The following ARK2N variants were observed in gnomAD, a reference collection of about 807,000 sequenced individuals.
ARK2N encodes protein ARK2N.
At chr18:46,215,719 A>G in the ARK2N span, 3 of 608,830 alleles carry the variant, frequency 4.9e-6, no homozygotes, top group Non-Finnish European at 8.7e-6. Context: ...GTGTAATAGT[A>G]AGTTTTGCCC....
the ARK2N span, among the ~76,000 whole-genome samples, chr18:46,178,527 T>C: frequency 4.6e-5 from 7 of 152,204 alleles, no homozygotes; most frequent in African/African-American, 1.4e-4. Context: ...GCCAGGCTGG[T>C]CTCGAACTCC....
At chr18:46,174,850 C>A in the ARK2N span, among the ~76,000 whole-genome samples, 12 of 152,174 alleles carry the variant, frequency 7.9e-5, no homozygotes, top group Admixed American at 4.6e-4. Flanking sequence ...GCGGAGAGCT[C>A]CGGCGCCGCG....
At chr18:46,248,726 A>C in the ARK2N span, among the ~76,000 whole-genome samples, 1 of 152,322 alleles carries the variant, frequency 6.6e-6, no homozygotes, top group East Asian at 1.9e-4. Flanking sequence ...CAGGGACTAC[A>C]GGCATGTGCC....
At chr18:46,183,707 T>G in the ARK2N span, among the ~76,000 whole-genome samples, 26 of 152,284 alleles carry the variant, frequency 1.7e-4, no homozygotes, top group African/African-American at 6.3e-4. Context: ...GTTTTTTATT[T>G]TAGTCCTAAT....
chr18:46,252,593 A>C, the ARK2N span, among the ~76,000 whole-genome samples: 1 of 152,066 alleles, frequency 6.6e-6, no homozygotes, highest in Non-Finnish European at 1.5e-5. Flanking sequence ...GGTTTAGTTT[A>C]GATTAGGTGT....
At chr18:46,248,323 T>C in the ARK2N span, among the ~76,000 whole-genome samples, 1 of 152,168 alleles carries the variant, frequency 6.6e-6, no homozygotes, top group Non-Finnish European at 1.5e-5. Flanking sequence ...GAAAGTTCAG[T>C]GTATTTTACC....
At chr18:46,212,400 C>T in the ARK2N span, among the ~76,000 whole-genome samples, 1 of 152,178 alleles carries the variant, frequency 6.6e-6, no homozygotes, top group African/African-American at 2.4e-5. Context: ...AGAGTCTATG[C>T]ATCTACAGAT....
chr18:46,182,683 C>CTT, the ARK2N span, among the ~76,000 whole-genome samples: 41 of 87,800 alleles, frequency 4.7e-4, no homozygotes, highest in South Asian at 9.4e-4. Flanking sequence ...AGCCACAGTG[C>CTT]TTTTTTTTTT....
the ARK2N span, among the ~76,000 whole-genome samples, chr18:46,249,264 C>G: frequency 2.0e-5 from 3 of 152,066 alleles, no homozygotes; most frequent in African/African-American, 7.2e-5. Flanking sequence ...GAGTCTTGCT[C>G]TGTCACCCAG....
At chr18:46,230,636 C>T in the ARK2N span, among the ~76,000 whole-genome samples, 1 of 152,122 alleles carries the variant, frequency 6.6e-6, no homozygotes, top group Non-Finnish European at 1.5e-5. Flanking sequence ...GGAATTTTCC[C>T]TTTGTCTAAT....
At chr18:46,241,932 T>G in the ARK2N span, among the ~76,000 whole-genome samples, 1 of 151,744 alleles carries the variant, frequency 6.6e-6, no homozygotes, top group Admixed American at 6.6e-5. Flanking sequence ...TTCTCCTGCC[T>G]CAGGCTCCTG....
the ARK2N span, among the ~76,000 whole-genome samples, chr18:46,246,958 A>G: frequency 4.6e-5 from 7 of 151,872 alleles, no homozygotes; most frequent in South Asian, 1.5e-3. Flanking sequence ...AAAAAAAAAA[A>G]TAGCAGACCC....
At chr18:46,223,514 T>C in the ARK2N span, among the ~76,000 whole-genome samples, 2 of 152,152 alleles carry the variant, frequency 1.3e-5, no homozygotes, top group Admixed American at 1.3e-4. Context: ...GGAGAAACAG[T>C]TATATTTGAT....
At chr18:46,243,465 G>A in the ARK2N span, among the ~76,000 whole-genome samples, 94,949 of 152,004 alleles carry the variant, frequency 0.62, 31,798 homozygotes, top group Non-Finnish European at 0.74. Flanking sequence ...ACATAGGTAC[G>A]CACTAAAGAT....
At chr18:46,205,762 G>T in the ARK2N span, among the ~76,000 whole-genome samples, 1 of 152,142 alleles carries the variant, frequency 6.6e-6, no homozygotes, top group South Asian at 2.1e-4. Context: ...CTGTTGCCCA[G>T]GCAGGCATTA....
chr18:46,224,437 TTGAG>T, the ARK2N span, among the ~76,000 whole-genome samples: 1 of 152,182 alleles, frequency 6.6e-6, no homozygotes, highest in Non-Finnish European at 1.5e-5. Flanking sequence ...TGTGTAATGA[TTGAG>T]TATGGGCCAG....
chr18:46,223,119 C>G, the ARK2N span, among the ~76,000 whole-genome samples: 2 of 152,234 alleles, frequency 1.3e-5, no homozygotes, highest in South Asian at 2.1e-4. Flanking sequence ...ATAAGTAATG[C>G]GAGAATCTAA....
the ARK2N span, among the ~76,000 whole-genome samples, chr18:46,241,093 G>T: frequency 6.6e-6 from 1 of 152,170 alleles, no homozygotes; most frequent in Non-Finnish European, 1.5e-5. Context: ...TATGAAAAAT[G>T]AGTTTTACAA....
the ARK2N span, among the ~76,000 whole-genome samples, chr18:46,191,410 GATCTCAAGCAACCCTCATGC>G: frequency 6.6e-6 from 1 of 151,440 alleles, no homozygotes; most frequent in Non-Finnish European, 1.5e-5. Flanking sequence ...TGCCCAGGCT[GATCTCAAGCAACCCTCATGC>G]CTCAACCTCC....
Sources: allele counts gnomAD v4.1 joint callset (sites outside exome capture counted in the v4.1 genomes callset), GRCh38; gene constraint gnomAD v4.1.1; transcripts MANE v1.5; gene names NCBI Gene and HGNC (gene_info 2026-07-23, HGNC 2026-07-21).